Variants in CSMD1 observed in about 807,000 individuals in gnomAD.
CSMD1 encodes CUB and Sushi multiple domains 1, also known as CUB and sushi domain-containing protein 1.
CSMD1 carries 213 observed loss-of-function variants against 417.5 expected under a neutral mutation model. The observed-to-expected ratio is 0.51, with a 90% confidence interval of 0.46 to 0.57. The LOEUF (loss-of-function observed/expected upper bound fraction) is 0.57. Among genes scored for constraint, CSMD1 ranks in the 20% least tolerant of loss-of-function variants. CSMD1 has a pLI of 0.00. For synonymous variants in CSMD1, 2,862 were observed against 1,736.8 expected, an observed-to-expected ratio of 1.65 and a Z score of -16.11; for missense variants, 6,923 against 4,529.7, an observed-to-expected ratio of 1.53 and a Z score of -15.17.
rs1054198979 is a variant in CSMD1, at chr8:3,564,861, C to G, written c.1344+10084G>C. Among the ~76,000 whole-genome samples the G allele has an allele frequency of 2.6e-5, 4 of 151,826 alleles. No individual in the cohort carries two copies. The South Asian group carries it at 8.3e-4, about 32-fold the overall frequency. On this transcript the variant is annotated intron_variant, in intron 10 of 69. Coordinates refer to ENST00000635120, the MANE Select transcript of CSMD1 (RefSeq NM_033225.6). ...GAAAAAAGTTGCAACTGTTAAGCAG[C>G]AGTAACGGGTAAGTCATAGACAATG...
intron 34 of CSMD1, among the ~76,000 whole-genome samples, chr8:3,189,298 T>A (rs1796275135): frequency 6.6e-6 from 1 of 152,216 alleles, no homozygotes; most frequent in Non-Finnish European, 1.5e-5. Flanking sequence ...CCAAAGTGAA[T>A]TCTGTTTAGA....
At chr8:3,635,956 C>T (rs1797024399) in intron 7 of CSMD1, among the ~76,000 whole-genome samples, 1 of 152,084 alleles carries the variant, frequency 6.6e-6, no homozygotes, top group South Asian at 2.1e-4. Context: ...TTATAAACTT[C>T]TATTTAGCTT....
chr8:3,308,295 A>G lies in CSMD1; in HGVS notation c.3823+17T>C, dbSNP rs898605262. ...GGCCTGGCTTTTGCACAATGGTATG[A>G]CTGCTTCCACACTCACCTATGCACG... On this transcript the variant is annotated intron_variant, in intron 24 of 69. Transcript: ENST00000635120. 2.5e-6 allele frequency: 4 copies of G among 1,588,300 alleles called. No homozygotes were observed. Among genetic ancestry groups the G allele is most frequent in the East Asian group, 2.3e-5 (1 of 44,138 alleles).
intron 3 of CSMD1, among the ~76,000 whole-genome samples, chr8:4,332,134 T>C (rs899748225): frequency 1.3e-5 from 2 of 152,120 alleles, no homozygotes; most frequent in Non-Finnish European, 2.9e-5. Context: ...AAAGTTGTGA[T>C]GAAAATGTCA....
In CSMD1 at chr8:4,649,063, A is replaced by G. The variant is rs1002921769; in HGVS notation, c.86-11505T>C. 2.0e-5 allele frequency among the ~76,000 whole-genome samples: 3 copies of G among 152,192 alleles called. No individual in the cohort carries two copies. In the East Asian group the frequency reaches 5.8e-4, roughly 29 times the overall value. On this transcript the variant is annotated intron_variant, in intron 1 of 69. Transcript: ENST00000635120. ...ACTCTTCTTGTAGGCTTCAGTTGGT[A>G]TATTTGCCAAGGTGCTCAAAATAAG...
chr8:4,881,748 G>C (rs1167914782), intron 1 of CSMD1, among the ~76,000 whole-genome samples: 2 of 151,682 alleles, frequency 1.3e-5, no homozygotes, highest in Non-Finnish European at 2.9e-5. Context: ...TTTTTCTTTA[G>C]AGACCACACT....
chr8:4,642,132 G>C (rs1047164933), intron 1 of CSMD1, among the ~76,000 whole-genome samples: 11 of 152,226 alleles, frequency 7.2e-5, no homozygotes, highest in Admixed American at 1.3e-4. Flanking sequence ...GTCCAGGTCT[G>C]CAAGATGGGC....
rs557270060 is a variant in CSMD1 at position 4,223,819 on chromosome 8, CTG to C, written c.416-191722_416-191721del. ...CCTTGGCCAATAACAACCAGTGAAA[CTG>C]TTTTCTTTTTTTGTTGAGACTGATA... On this transcript the variant is annotated intron_variant, in intron 3 of 69. Coordinates refer to ENST00000635120, the MANE Select transcript of CSMD1 (RefSeq NM_033225.6). Among the ~76,000 whole-genome samples, 284 of 152,268 alleles carry C rather than the reference CTG, an allele frequency of 1.9e-3. 1 individual carries two copies. The highest frequency in any genetic ancestry group is 6.5e-3 in the African/African-American group (272 of 41,556).
chr8:3,865,194 C>T (rs1805000380), intron 5 of CSMD1, among the ~76,000 whole-genome samples: 1 of 152,214 alleles, frequency 6.6e-6, no homozygotes, highest in Non-Finnish European at 1.5e-5. Context: ...TGATATTTAA[C>T]ATCTTGGAAA....
At chr8:4,671,893 T>G (rs1051171414) in intron 1 of CSMD1, among the ~76,000 whole-genome samples, 1 of 152,122 alleles carries the variant, frequency 6.6e-6, no homozygotes, top group Non-Finnish European at 1.5e-5. Context: ...ATAGAAACCC[T>G]CCACTAAGTT....
chr8:3,111,159 T>G (rs961029863), intron 42 of CSMD1, among the ~76,000 whole-genome samples: 3 of 152,130 alleles, frequency 2.0e-5, no homozygotes, highest in African/African-American at 7.2e-5. Context: ...GTCAAAGATT[T>G]GCCACAAATG....
At chr8:3,148,146 G>C (rs1191473743) in intron 40 of CSMD1, among the ~76,000 whole-genome samples, 1 of 152,134 alleles carries the variant, frequency 6.6e-6, no homozygotes, top group Non-Finnish European at 1.5e-5. Flanking sequence ...GTGTTAATAG[G>C]AAGCAACATG....
chr8:4,243,505 A>G (rs546309453), intron 3 of CSMD1, among the ~76,000 whole-genome samples: 1 of 152,298 alleles, frequency 6.6e-6, no homozygotes, highest in African/African-American at 2.4e-5. Context: ...TTCTAATTTT[A>G]AACAGCAGGC....
intron 26 of CSMD1, among the ~76,000 whole-genome samples, chr8:3,271,450 G>C (rs1295601403): frequency 6.7e-6 from 1 of 150,320 alleles, no homozygotes; most frequent in African/African-American, 2.5e-5. Context: ...ACCCAGTAAT[G>C]GGATGGCTGG....
Position 4,373,564 on chromosome 8 carries a change from T to C in CSMD1, c.415+46389A>G, listed in dbSNP as rs559157616. ...ACTTCTATTACGTACTCAACTCTTA[T>C]CATTTAATTTCATCTTATTTAATTT... is the stretch of plus-strand genomic sequence containing the variant. On this transcript the variant is annotated intron_variant, in intron 3 of 69. Coordinates refer to ENST00000635120, the MANE Select transcript of CSMD1 (RefSeq NM_033225.6). Among the ~76,000 whole-genome samples the C allele has an allele frequency of 1.5e-4, 23 of 152,366 alleles. No individual in the cohort carries two copies. The South Asian group carries it at 4.3e-3, about 29-fold the overall frequency.
At chr8:3,779,764 G>C (rs1037910830) in intron 5 of CSMD1, among the ~76,000 whole-genome samples, 5 of 152,298 alleles carry the variant, frequency 3.3e-5, no homozygotes, top group Admixed American at 2.0e-4. Flanking sequence ...AGAGATCCCA[G>C]GTCCTCATGC....
chr8:3,359,332 G>C lies in CSMD1; in HGVS notation c.3124C>G (p.Leu1042Val). The change falls in exon 21 of 70, where the codon CTG becomes GTG. Residue 1042 changes from leucine (L) to valine (V), a missense_variant. By Grantham distance (32) the Leu-to-Val change is conservative. Coordinates refer to ENST00000635120, the MANE Select transcript of CSMD1 (RefSeq NM_033225.6). ...ACTCCAGGATCATCACATGGCTCCA[G>C]GTCATATTCTGAGGCATGCAGAGAC... ...GFNITFSEYD[L>V]EPCDDPGVPA... The C allele has an allele frequency of 2.5e-6, 4 of 1,613,092 alleles. No homozygotes were observed. The highest frequency in any genetic ancestry group is 3.4e-6 in the Non-Finnish European group (4 of 1,179,548).
At chr8:4,323,556 G>C (rs577119448) in intron 3 of CSMD1, among the ~76,000 whole-genome samples, 1 of 152,018 alleles carries the variant, frequency 6.6e-6, no homozygotes, top group East Asian at 1.9e-4. Flanking sequence ...ATCTATATTG[G>C]GTCATATATC....
intron 3 of CSMD1, among the ~76,000 whole-genome samples, chr8:4,100,963 TC>T (rs1257505895): frequency 2.6e-5 from 4 of 152,156 alleles, no homozygotes; most frequent in Non-Finnish European, 5.9e-5. Flanking sequence ...CTGTAATCAC[TC>T]CATCAGCACA....
Sources: allele counts gnomAD v4.1 joint callset (sites outside exome capture counted in the v4.1 genomes callset), GRCh38; gene constraint gnomAD v4.1.1; transcripts MANE v1.5; gene names NCBI Gene and HGNC (gene_info 2026-07-23, HGNC 2026-07-21).